PPFIA2: variants seen among roughly 807,000 people sequenced by gnomAD.
PPFIA2 encodes liprin-alpha-2.
PPFIA2 carries 46 observed loss-of-function variants against 175.5 expected under a neutral mutation model. That is an observed-to-expected ratio of 0.26 (90% confidence interval 0.21 to 0.34). The LOEUF (loss-of-function observed/expected upper bound fraction) is 0.34, where lower values mean the gene tolerates loss of function less well. Among genes scored for constraint, PPFIA2 ranks in the 10% least tolerant of loss-of-function variants. The pLI, the probability that PPFIA2 is intolerant of heterozygous loss-of-function variation, is 1.00. For synonymous variants in PPFIA2, 568 were observed against 511.4 expected, an observed-to-expected ratio of 1.11 and a Z score of -1.49; for missense variants, 1,179 against 1,506.1, an observed-to-expected ratio of 0.78 and a Z score of 3.60.
chr12:81,460,419 G>C (rs376771866), intron 4 of PPFIA2, among the ~76,000 whole-genome samples: 1 of 151,912 alleles, frequency 6.6e-6, no homozygotes, highest in Non-Finnish European at 1.5e-5. Context: ...ACCCAGTCTC[G>C]GGTATGTCTT....
At chr12:81,597,843 T>C (rs1237552768) in intron 4 of PPFIA2, 1 of 1,130,822 alleles carries the variant, frequency 8.8e-7, no homozygotes, top group African/African-American at 1.6e-5. Context: ...ATACATTTTC[T>C]TCAATACTTC....
At chr12:81,325,731 G>A (rs2054621090) in intron 22 of PPFIA2, 46 bp downstream of exon 22, 1 of 1,299,238 alleles carries the variant, frequency 7.7e-7, no homozygotes, top group African/African-American at 1.5e-5. Flanking sequence ...ATAATAATAA[G>A]GAATTGATAA....
At chr12:81,425,489 C>T (rs1181556850) in intron 7 of PPFIA2, among the ~76,000 whole-genome samples, 1 of 152,232 alleles carries the variant, frequency 6.6e-6, no homozygotes, top group South Asian at 2.1e-4. Flanking sequence ...GGACTACAGG[C>T]CTGTGCCACC....
chr12:81,266,309 G>T (rs1181919566), intron 30 of PPFIA2, among the ~76,000 whole-genome samples: 2 of 152,112 alleles, frequency 1.3e-5, no homozygotes, highest in African/African-American at 4.8e-5. Flanking sequence ...CTATTAAAAT[G>T]TCTACAGTCC....
chr12:81,386,709 G>A (rs750981028), intron 8 of PPFIA2, among the ~76,000 whole-genome samples: 54 of 151,924 alleles, frequency 3.6e-4, no homozygotes, highest in Admixed American at 7.9e-4. Context: ...TAGTGAGGAC[G>A]GTGCAGCAAT....
At chr12:81,278,369 C>T (rs1026066447) in intron 27 of PPFIA2, among the ~76,000 whole-genome samples, 1 of 151,782 alleles carries the variant, frequency 6.6e-6, no homozygotes, top group Non-Finnish European at 1.5e-5. Flanking sequence ...GGTGAAACCC[C>T]GTCTCTACTA....
At chr12:81,451,516 T>G (rs2052579286) in intron 5 of PPFIA2, among the ~76,000 whole-genome samples, 1 of 152,216 alleles carries the variant, frequency 6.6e-6, no homozygotes, top group Non-Finnish European at 1.5e-5. Flanking sequence ...TCCTAGAGAC[T>G]GTCTGAAAGC....
At chr12:81,531,664 A>G (rs995275476) in intron 4 of PPFIA2, among the ~76,000 whole-genome samples, 16 of 151,526 alleles carry the variant, frequency 1.1e-4, no homozygotes, top group African/African-American at 3.6e-4. Context: ...AACGGAAGAC[A>G]GGGTCTACTG....
chr12:81,295,137 C>T (rs548310647), intron 23 of PPFIA2, 102 bp from the exon 24 acceptor site: 36 of 1,003,690 alleles, frequency 3.6e-5, no homozygotes, highest in Non-Finnish European at 5.0e-5. Context: ...TACATGACCT[C>T]ACCCCACGAG....
chr12:81,657,528 A>G (rs1377142954), intron 4 of PPFIA2, among the ~76,000 whole-genome samples: 1 of 152,096 alleles, frequency 6.6e-6, no homozygotes, highest in East Asian at 1.9e-4. Flanking sequence ...ATCAACCCTA[A>G]TCTAACTGAG....
intron 9 of PPFIA2, among the ~76,000 whole-genome samples, chr12:81,379,046 G>A (rs1007303523): frequency 2.6e-5 from 4 of 152,052 alleles, no homozygotes; most frequent in East Asian, 1.9e-4. Flanking sequence ...ACTCTATGAC[G>A]TAGATTACAT....
rs377394130 is a variant in PPFIA2 at position 81,451,408 on chromosome 12, G to A, written c.406-5688C>T. Among the ~76,000 whole-genome samples the A allele has an allele frequency of 3.3e-5, 5 of 152,200 alleles. No individual in the cohort carries two copies. In the East Asian group the frequency reaches 5.8e-4, roughly 18 times the overall value. ...TGACCACCCTGGGAGTTAGCCTGACGGGGCAGAGAGGAACCATGCTGGGAA... is the reference window on the plus strand; with the variant it reads ...TGACCACCCTGGGAGTTAGCCTGACAGGGCAGAGAGGAACCATGCTGGGAA... On this transcript the variant is annotated intron_variant, in intron 5 of 32. Coordinates refer to ENST00000549396, the MANE Select transcript of PPFIA2 (RefSeq NM_003625.5).
At chr12:81,480,090 G>A (rs1237698346) in intron 4 of PPFIA2, among the ~76,000 whole-genome samples, 2 of 151,988 alleles carry the variant, frequency 1.3e-5, no homozygotes, top group Non-Finnish European at 2.9e-5. Context: ...ATATTTCTTG[G>A]AGGCTTTGTT....
At chr12:81,433,547 T>A (rs1002215355) in intron 7 of PPFIA2, among the ~76,000 whole-genome samples, 7 of 152,182 alleles carry the variant, frequency 4.6e-5, no homozygotes, top group African/African-American at 1.4e-4. Flanking sequence ...CTCTCAAAAT[T>A]TTCTGCACAT....
chr12:81,660,315 T>C (rs554234214), intron 4 of PPFIA2, among the ~76,000 whole-genome samples: 38 of 152,196 alleles, frequency 2.5e-4, no homozygotes, highest in African/African-American at 8.4e-4. Context: ...ATTAGATGAA[T>C]GGCTAACTAG....
chr12:81,540,296 A>G (rs1453692686), intron 4 of PPFIA2, among the ~76,000 whole-genome samples: 1 of 152,090 alleles, frequency 6.6e-6, no homozygotes, highest in Admixed American at 6.6e-5. Context: ...CATAAGACTT[A>G]GCAATTAAGA....
At chr12:81,425,169 CAGCAATAACCTCGTAATGTGGG>C (rs754373743) in intron 7 of PPFIA2, among the ~76,000 whole-genome samples, 1 of 152,068 alleles carries the variant, frequency 6.6e-6, no homozygotes, top group Non-Finnish European at 1.5e-5. Flanking sequence ...CTGTTAATAA[CAGCAATAACCTCGTAATGTGGG>C]GATCCATCAA....
intron 4 of PPFIA2, among the ~76,000 whole-genome samples, chr12:81,543,595 T>A (rs1046859084): frequency 6.6e-6 from 1 of 152,128 alleles, no homozygotes; most frequent in Non-Finnish European, 1.5e-5. Flanking sequence ...AGGTGGAGCA[T>A]AACTCCCTAC....
intron 16 of PPFIA2, among the ~76,000 whole-genome samples, chr12:81,356,507 A>G (rs2060876550): frequency 1.3e-5 from 2 of 151,954 alleles, no homozygotes; most frequent in African/African-American, 4.8e-5. Flanking sequence ...TACAAAAAAT[A>G]CAAAAATTAG....
Sources: allele counts gnomAD v4.1 joint callset (sites outside exome capture counted in the v4.1 genomes callset), GRCh38; gene constraint gnomAD v4.1.1; transcripts MANE v1.5; gene names NCBI Gene and HGNC (gene_info 2026-07-23, HGNC 2026-07-21).